The following ADGRB3 variants were observed in gnomAD, a reference collection of about 807,000 sequenced individuals.
ADGRB3 encodes the protein adhesion G protein-coupled receptor B3, also known as brain-specific angiogenesis inhibitor 3.
Under a neutral mutation model 193.4 loss-of-function variants are expected in ADGRB3, and 37 were observed. The observed-to-expected ratio is 0.19, with a 90% CI of 0.15 to 0.25. The LOEUF (loss-of-function observed/expected upper bound fraction) is 0.25. Among genes scored for constraint, ADGRB3 ranks in the 10% least tolerant of loss-of-function variants. The probability of loss-of-function intolerance (pLI) is 1.00; values close to 1 mark genes in which losing one functional copy is unlikely to be tolerated. For synonymous variants in ADGRB3, 690 were observed against 644.2 expected (o/e 1.07, Z -1.08); for missense variants, 1,637 against 1,852.9 (o/e 0.88, Z 2.14).
chr6:69,343,641 C>A (rs1181132732), intron 26 of ADGRB3, among the ~76,000 whole-genome samples: 1 of 151,908 alleles, frequency 6.6e-6, no homozygotes, highest in Non-Finnish European at 1.5e-5. Context: ...AATTTATATT[C>A]TTGAAAATAC....
intron 26 of ADGRB3, among the ~76,000 whole-genome samples, chr6:69,351,620 G>A (rs1769228386): frequency 6.6e-6 from 1 of 152,098 alleles, no homozygotes; most frequent in Non-Finnish European, 1.5e-5. Flanking sequence ...AATGATTCAT[G>A]AAGCTGACAT....
chr6:68,704,681 A>G (rs1196991563), intron 3 of ADGRB3, among the ~76,000 whole-genome samples: 1 of 152,250 alleles, frequency 6.6e-6, no homozygotes, highest in African/African-American at 2.4e-5. Flanking sequence ...ACAGGTATGT[A>G]TAATTATGCT....
intron 17 of ADGRB3, among the ~76,000 whole-genome samples, chr6:69,223,464 A>T (rs1320148110): frequency 6.6e-6 from 1 of 152,048 alleles, no homozygotes; most frequent in South Asian, 2.1e-4. Context: ...ATGTGCTCAG[A>T]TTTTTAACTT....
chr6:68,950,909 T>C (rs937746664), intron 6 of ADGRB3, among the ~76,000 whole-genome samples: 4 of 152,156 alleles, frequency 2.6e-5, no homozygotes, highest in Non-Finnish European at 5.9e-5. Context: ...TTCTATCTTA[T>C]CACTTCTTTT....
At chr6:68,950,956 C>T (rs760224028) in intron 6 of ADGRB3, among the ~76,000 whole-genome samples, 43 of 152,112 alleles carry the variant, frequency 2.8e-4, no homozygotes, top group Non-Finnish European at 5.4e-4. Context: ...CTTCCCTGGT[C>T]GCATGGCCTA....
At chr6:69,164,570 A>G (rs1775083297) in intron 17 of ADGRB3, among the ~76,000 whole-genome samples, 1 of 152,104 alleles carries the variant, frequency 6.6e-6, no homozygotes, top group Non-Finnish European at 1.5e-5. Context: ...TATTAAAGGT[A>G]AGAAGGCAAG....
intron 3 of ADGRB3, among the ~76,000 whole-genome samples, chr6:68,648,019 C>A (rs1293166848): frequency 6.6e-6 from 1 of 152,084 alleles, no homozygotes; most frequent in Non-Finnish European, 1.5e-5. Flanking sequence ...TTAAAAATAT[C>A]ATCTATGAGA....
rs182900945 is a variant in ADGRB3, at chr6:68,804,309, C to T, written c.758-126250C>T. ...TCTTGAGAAAGTCATGCTTATCCTGCAAATTATCTCCCAAATGTCAATCTG... is the reference window on the plus strand; with the variant it reads ...TCTTGAGAAAGTCATGCTTATCCTGTAAATTATCTCCCAAATGTCAATCTG... On this transcript the variant is annotated intron_variant, in intron 3 of 31. Transcript: ENST00000370598. Among the ~76,000 whole-genome samples the T allele has an allele frequency of 3.0e-3, 456 of 152,324 alleles. 6 individuals are homozygous for T. The highest frequency in any genetic ancestry group is 0.011 in the African/African-American group (445 of 41,564).
chr6:69,013,985 A>G, intron 11 of ADGRB3, 53 bp from the exon 12 acceptor site: 1 of 1,290,184 alleles, frequency 7.8e-7, no homozygotes, highest in Non-Finnish European at 1.1e-6. Context: ...GTGTTATTAA[A>G]AAGTATAATT....
intron 8 of ADGRB3, among the ~76,000 whole-genome samples, chr6:68,970,019 G>A (rs531088470): frequency 1.6e-4 from 24 of 152,096 alleles, no homozygotes; most frequent in South Asian, 8.3e-4. Context: ...TGCTGAACTC[G>A]ATGCCCCAAG....
intron 17 of ADGRB3, among the ~76,000 whole-genome samples, chr6:69,133,724 T>A (rs1774075639): frequency 6.6e-6 from 1 of 151,922 alleles, no homozygotes; most frequent in Non-Finnish European, 1.5e-5. Flanking sequence ...GGGGAACAGG[T>A]GGTGTTTGGT....
At chr6:69,300,990 A>G (rs1468621328) in intron 20 of ADGRB3, among the ~76,000 whole-genome samples, 1 of 151,814 alleles carries the variant, frequency 6.6e-6, no homozygotes, top group Non-Finnish European at 1.5e-5. Flanking sequence ...TTTCTAAAAT[A>G]CAATTGATTC....
chr6:68,827,380 A>T (rs1045609255), intron 3 of ADGRB3, among the ~76,000 whole-genome samples: 5 of 152,110 alleles, frequency 3.3e-5, no homozygotes, highest in Middle Eastern at 3.2e-3. Flanking sequence ...TTTTTTAAAA[A>T]AATAATAATA....
intron 20 of ADGRB3, among the ~76,000 whole-genome samples, chr6:69,274,422 T>G (rs2127280916): frequency 6.6e-6 from 1 of 150,478 alleles, no homozygotes; most frequent in South Asian, 2.1e-4. Flanking sequence ...AGAAAAAGGT[T>G]GTCTCTCACA....
At chr6:68,727,412 G>A (rs1765693229) in intron 3 of ADGRB3, among the ~76,000 whole-genome samples, 1 of 151,538 alleles carries the variant, frequency 6.6e-6, no homozygotes, top group African/African-American at 2.4e-5. Context: ...AAGGTTATAT[G>A]AAGATTATCA....
intron 3 of ADGRB3, among the ~76,000 whole-genome samples, chr6:68,793,213 G>A (rs112206619): frequency 7.9e-5 from 12 of 152,124 alleles, no homozygotes; most frequent in African/African-American, 2.4e-4. Context: ...TCAGGGTTAC[G>A]CTGGCATATT....
intron 17 of ADGRB3, chr6:69,232,349 C>T (rs1766161976): frequency 3.1e-6 from 4 of 1,308,958 alleles, no homozygotes; most frequent in South Asian, 3.9e-5. Flanking sequence ...CCCCCCACCA[C>T]GAACAAGACG....
chr6:69,101,366 A>C (rs948792308), intron 17 of ADGRB3, among the ~76,000 whole-genome samples: 5 of 152,040 alleles, frequency 3.3e-5, no homozygotes, highest in African/African-American at 9.7e-5. Flanking sequence ...GTTTTTACTT[A>C]GACATTTATT....
intron 3 of ADGRB3, among the ~76,000 whole-genome samples, chr6:68,666,911 TATC>T (rs1047035155): frequency 6.6e-6 from 1 of 151,672 alleles, no homozygotes; most frequent in African/African-American, 2.4e-5. Context: ...TGAAAAAAAG[TATC>T]ATATCCAAAT....
Sources: gnomAD v4.1 joint callset for allele counts (sites outside exome capture counted in the v4.1 genomes callset) on GRCh38, gnomAD v4.1.1 for gene constraint, MANE v1.5 for transcripts, NCBI Gene and HGNC (gene_info 2026-07-23, HGNC 2026-07-21) for gene names.